Variants in KANSL1L observed in about 807,000 individuals in gnomAD.
KANSL1L encodes the protein KAT8 regulatory NSL complex subunit 1-like protein.
KANSL1L carries 25 observed loss-of-function variants against 108.6 expected under a neutral mutation model. That is an observed-to-expected ratio of 0.23 (90% CI 0.17 to 0.32). KANSL1L has a LOEUF of 0.32. KANSL1L is among the 10% of genes least tolerant of loss of function. KANSL1L has a pLI of 1.00. For missense variants in KANSL1L, 1,137 were observed against 1,125.7 expected (o/e 1.01, Z -0.14); for synonymous variants, 405 against 395.1 (o/e 1.03, Z -0.30).
At chr2:210,082,128 T>A (rs1163091942) in intron 5 of KANSL1L, among the ~76,000 whole-genome samples, 1 of 152,174 alleles carries the variant, frequency 6.6e-6, no homozygotes, top group East Asian at 1.9e-4. Flanking sequence ...AGACAGAGTC[T>A]CGTCAAATTT....
At chr2:210,080,628 G>T (rs1486666137) in intron 5 of KANSL1L, among the ~76,000 whole-genome samples, 2 of 152,158 alleles carry the variant, frequency 1.3e-5, no homozygotes, top group Non-Finnish European at 2.9e-5. Context: ...GTGGGCTGTA[G>T]ACTAACTGAC....
chr2:210,166,921 T>C (rs1279117157), intron 1 of KANSL1L, among the ~76,000 whole-genome samples: 1 of 151,978 alleles, frequency 6.6e-6, no homozygotes, highest in East Asian at 1.9e-4. Flanking sequence ...TAGCAAAATA[T>C]GAGAAGTTTT....
At chr2:210,055,005 C>T (rs1055008522) in intron 6 of KANSL1L, among the ~76,000 whole-genome samples, 10 of 152,068 alleles carry the variant, frequency 6.6e-5, no homozygotes, top group African/African-American at 1.2e-4. Flanking sequence ...ATCAGTGATA[C>T]GGTTTGGCTG....
chr2:210,043,882 G>T, intron 7 of KANSL1L, 57 bp downstream of exon 7: 1 of 1,167,594 alleles, frequency 8.6e-7, no homozygotes, highest in Non-Finnish European at 1.2e-6. Flanking sequence ...GTATTTAGAG[G>T]ATTAGATTTC....
At chr2:210,114,041 C>T (rs2094932095) in intron 3 of KANSL1L, among the ~76,000 whole-genome samples, 2 of 152,130 alleles carry the variant, frequency 1.3e-5, no homozygotes, top group South Asian at 4.2e-4. Context: ...CTAAAAACTT[C>T]CCAGATATGA....
intron 6 of KANSL1L, among the ~76,000 whole-genome samples, chr2:210,050,693 GAAA>G (rs1169870752): frequency 1.1e-4 from 6 of 53,454 alleles, no homozygotes; most frequent in East Asian, 6.5e-4. Flanking sequence ...CATCTCTACA[GAAA>G]AAAAAAAAAA....
rs113938524 is a variant in KANSL1L at position 210,132,363 on chromosome 2, C to CT, written c.1089-3192dup. Among the ~76,000 whole-genome samples, 909 of 152,232 alleles carry CT rather than the reference C, an allele frequency of 6.0e-3. 12 individuals are homozygous for CT. Among genetic ancestry groups the CT allele is most frequent in the African/African-American group, 0.021 (868 of 41,554 alleles). ...CTGGTCTGCCACTGACTCCCTGAAT[C>CT]TTTCTAGAGTGTGCAAAACTGATCA... On this transcript the variant is annotated intron_variant, in intron 2 of 14. Transcript: ENST00000281772.
intron 6 of KANSL1L, among the ~76,000 whole-genome samples, chr2:210,075,251 A>G (rs1214074980): frequency 6.6e-6 from 1 of 152,142 alleles, no homozygotes; most frequent in Non-Finnish European, 1.5e-5. Context: ...TTGACAGTAC[A>G]TTTTAAAAAT....
chr2:210,058,193 G>A (rs560807450), intron 6 of KANSL1L, among the ~76,000 whole-genome samples: 5 of 152,142 alleles, frequency 3.3e-5, no homozygotes, highest in East Asian at 1.9e-4. Context: ...TGAAATGGCC[G>A]CTTCAGGGGG....
At chr2:210,030,338 T>A (rs570905407) in intron 9 of KANSL1L, among the ~76,000 whole-genome samples, 1 of 151,928 alleles carries the variant, frequency 6.6e-6, no homozygotes. Context: ...TTTGAAAAAA[T>A]TCTGCTATTA....
At chr2:210,118,330 T>C (rs2094977024) in intron 3 of KANSL1L, among the ~76,000 whole-genome samples, 1 of 150,992 alleles carries the variant, frequency 6.6e-6, no homozygotes, top group South Asian at 2.1e-4. Flanking sequence ...TAGCCAGGCA[T>C]GGTGGTACAT....
chr2:210,116,305 C>T (rs894343457), intron 3 of KANSL1L, among the ~76,000 whole-genome samples: 2 of 152,158 alleles, frequency 1.3e-5, no homozygotes, highest in Admixed American at 6.5e-5. Flanking sequence ...CATCTCTAGA[C>T]CCACCCGGGG....
At chr2:210,096,230 T>A (rs2094734881) in intron 5 of KANSL1L, among the ~76,000 whole-genome samples, 1 of 152,194 alleles carries the variant, frequency 6.6e-6, no homozygotes, top group Non-Finnish European at 1.5e-5. Flanking sequence ...TTCATTTGGA[T>A]CTACATATCT....
intron 6 of KANSL1L, among the ~76,000 whole-genome samples, chr2:210,050,556 G>A (rs2094279690): frequency 1.3e-5 from 2 of 151,982 alleles, no homozygotes; most frequent in East Asian, 1.9e-4. Flanking sequence ...TACAGTGGAT[G>A]CCTAAAACTT....
intron 3 of KANSL1L, among the ~76,000 whole-genome samples, chr2:210,107,410 T>C (rs1248018347): frequency 6.6e-6 from 1 of 151,686 alleles, no homozygotes; most frequent in African/African-American, 2.4e-5. Flanking sequence ...ATTAGAAAGT[T>C]TGAAGCAGGG....
intron 10 of KANSL1L, chr2:210,029,185 G>A (rs2093980395): frequency 2.2e-6 from 1 of 452,872 alleles, no homozygotes; most frequent in East Asian, 4.2e-5. Flanking sequence ...TGTGTAATGT[G>A]TATTTATGTG....
intron 1 of KANSL1L, among the ~76,000 whole-genome samples, chr2:210,162,233 T>TATATAC (rs1429545057): frequency 7.0e-6 from 1 of 143,066 alleles, no homozygotes; most frequent in African/African-American, 2.5e-5. Context: ...TATATATATA[T>TATATAC]ATATATATAT....
At chr2:210,023,711 A>G (rs2093893160) in intron 14 of KANSL1L, among the ~76,000 whole-genome samples, 1 of 152,204 alleles carries the variant, frequency 6.6e-6, no homozygotes, top group South Asian at 2.1e-4. Context: ...ATCTTAAGAT[A>G]TGAGGAGAAA....
rs773082925 is a variant in KANSL1L at position 210,027,355 on chromosome 2, T to TG, written c.2397-6dup. Reference sequence around the variant, plus strand: ...TGAAGAACAACCATCCTCCAGCTGTTGAAGATAAAAACCAATTTTAAACAG... The same window carrying TG: ...TGAAGAACAACCATCCTCCAGCTGTTGGAAGATAAAAACCAATTTTAAACAG... On this transcript the variant is annotated splice_region_variant and splice_polypyrimidine_tract_variant and intron_variant, in intron 11 of 14. Coordinates refer to ENST00000281772, the MANE Select transcript of KANSL1L (RefSeq NM_152519.4). 6.2e-7 allele frequency: 1 copy of TG among 1,611,314 alleles called. No homozygotes were observed. Among genetic ancestry groups the TG allele is most frequent in the South Asian group, 1.1e-5 (1 of 90,968 alleles).
Sources: gnomAD v4.1 joint callset for allele counts (sites outside exome capture counted in the v4.1 genomes callset) on GRCh38, gnomAD v4.1.1 for gene constraint, MANE v1.5 for transcripts, NCBI Gene and HGNC (gene_info 2026-07-23, HGNC 2026-07-21) for gene names.